PYGL: variants seen among roughly 807,000 people sequenced by gnomAD.
PYGL encodes glycogen phosphorylase L.
A neutral mutation model predicts 100.1 loss-of-function variants in PYGL; 90 were observed. That is an observed-to-expected ratio of 0.90 (90% confidence interval 0.76 to 1.07). PYGL has a LOEUF of 1.07. PYGL is among the 50% of genes least tolerant of loss of function. The pLI is 0.00. For missense variants in PYGL, 1,016 were observed against 1,057.6 expected (o/e 0.96, Z 0.55); for synonymous variants, 373 against 393.0 (o/e 0.95, Z 0.60).
chr14:50,910,001 C>G lies in PYGL; in HGVS notation c.2071G>C (p.Gly691Arg), dbSNP rs539898848. Residue 691 changes from glycine (G) to arginine (R), a missense_variant, in exon 17 of 20, where the codon GGG becomes CGG. Transcript: ENST00000216392. ...TCCACATTGGCCCCATCCATGGTCC[C>G]GATAGTTAGGGCCCCATTTAGCATG... ...KFMLNGALTIGTMDGANVEMA... is the reference protein window; with the variant it reads ...KFMLNGALTIRTMDGANVEMA... 2.0e-5 allele frequency: 33 copies of G among 1,614,186 alleles called. No homozygotes were observed. In the South Asian group the frequency reaches 2.9e-4, roughly 14 times the overall value.
chr14:50,931,628 A>C, intron 4 of PYGL, 45 bp downstream of exon 4: 2 of 1,501,204 alleles, frequency 1.3e-6, no homozygotes, highest in East Asian at 4.5e-5. Flanking sequence ...GCACCATGAA[A>C]GAGAAGTACC....
chr14:50,925,503 T>A (rs1463199741), intron 4 of PYGL, among the ~76,000 whole-genome samples: 1 of 152,212 alleles, frequency 6.6e-6, no homozygotes, highest in Non-Finnish European at 1.5e-5. Flanking sequence ...TTTTAGAAGA[T>A]ACTGCTTAAG....
intron 3 of PYGL, among the ~76,000 whole-genome samples, chr14:50,933,105 C>T (rs1377388784): frequency 2.6e-5 from 4 of 152,192 alleles, no homozygotes; most frequent in Non-Finnish European, 5.9e-5. Flanking sequence ...TCAGCCTCTT[C>T]ACTCTGACTT....
chr14:50,935,712 G>C (rs1159041651), intron 2 of PYGL, among the ~76,000 whole-genome samples: 1 of 152,144 alleles, frequency 6.6e-6, no homozygotes, highest in Non-Finnish European at 1.5e-5. Context: ...ATGACCGAAA[G>C]GTCTCAGGGT....
rs1162506831 is a variant in PYGL, at chr14:50,920,485, C to G, written c.855+56G>C. 6.8e-6 allele frequency: 10 copies of G among 1,469,438 alleles called. No homozygotes were observed. The Admixed American group carries it at 1.7e-4, about 25-fold the overall frequency. 91.0% of individuals were successfully genotyped at this position (1,469,438 alleles called of 1,614,324 possible). Reference sequence around the variant, plus strand: ...TGTGTTTTATAGGTTACTGAACAGGCTCTTGTGAAATAAGCTGCCTCTGTT... The same window carrying G: ...TGTGTTTTATAGGTTACTGAACAGGGTCTTGTGAAATAAGCTGCCTCTGTT... On this transcript the variant is annotated intron_variant, in intron 7 of 19. Transcript: ENST00000216392.
At chr14:50,907,728 CTT>C (rs2050348143) in intron 19 of PYGL, among the ~76,000 whole-genome samples, 1 of 152,028 alleles carries the variant, frequency 6.6e-6, no homozygotes, top group African/African-American at 2.4e-5. Context: ...TTATTTGTGA[CTT>C]TTAAAAAACT....
chr14:50,935,187 T>C lies in PYGL; in HGVS notation c.346-2A>G. 6.2e-7 allele frequency: 1 copy of C among 1,608,242 alleles called. No individual in the cohort carries two copies. The highest frequency in any genetic ancestry group is 1.7e-5 in the Admixed American group (1 of 60,004). On this transcript the variant is annotated splice_acceptor_variant, in intron 2 of 19. Coordinates refer to ENST00000216392, the MANE Select transcript of PYGL (RefSeq NM_002863.5). LOFTEE classifies it high-confidence loss of function. ...TAACTCTTCTATATCCAATCCAAGC[T>C]GGTAATGAAAGGAAAACAATATTGG...
intron 4 of PYGL, among the ~76,000 whole-genome samples, chr14:50,930,309 A>C (rs2050591096): frequency 6.6e-6 from 1 of 152,198 alleles, no homozygotes; most frequent in Admixed American, 6.5e-5. Flanking sequence ...CCATTTTGCC[A>C]TTGAGAAAAC....
At chr14:50,930,104 A>G (rs1231449640) in intron 4 of PYGL, among the ~76,000 whole-genome samples, 2 of 152,164 alleles carry the variant, frequency 1.3e-5, no homozygotes, top group Non-Finnish European at 2.9e-5. Context: ...ATGATTTCCT[A>G]TTTTGTTAAA....
chr14:50,916,600 A>G, intron 9 of PYGL, 42 bp downstream of exon 9: 1 of 1,538,564 alleles, frequency 6.5e-7, no homozygotes, highest in Non-Finnish European at 9.0e-7. Context: ...AACTGCAGCC[A>G]TTCTGGTTAA....
At chr14:50,906,795 C>T (rs1239883562) in intron 19 of PYGL, among the ~76,000 whole-genome samples, 2 of 152,196 alleles carry the variant, frequency 1.3e-5, no homozygotes, top group African/African-American at 4.8e-5. Flanking sequence ...TAGCACTGCC[C>T]TGCTTGTTTG....
At chr14:50,938,104 C>T (rs2050671989) in intron 1 of PYGL, among the ~76,000 whole-genome samples, 1 of 152,240 alleles carries the variant, frequency 6.6e-6, no homozygotes, top group African/African-American at 2.4e-5. Context: ...AGGAGGTCTG[C>T]ACAAGATACA....
At position 50,944,329 on chromosome 14, in the gene PYGL, C is replaced by T. The variant is rs540984067; in HGVS notation, c.75G>A (p.Val25=). The change falls in exon 1 of 20, where the codon GTG becomes GTA. Residue 25 remains valine (V), a synonymous_variant. Transcript: ENST00000216392. ...GGTTGAAACTCTTCTTCAGCTCTGC[C>T]ACGTTCTCCACGCCCACGATGCCGC... ...SIRGIVGVEN[V]AELKKSFNRH... 6.2e-7 allele frequency: 1 copy of T among 1,613,976 alleles called. No homozygotes were observed. The highest frequency in any genetic ancestry group is 1.1e-5 in the South Asian group (1 of 91,090).
intron 4 of PYGL, among the ~76,000 whole-genome samples, chr14:50,927,321 T>C (rs1027382018): frequency 1.3e-5 from 2 of 152,182 alleles, no homozygotes; most frequent in African/African-American, 4.8e-5. Flanking sequence ...GCCTCCCAGA[T>C]TCAAGTGATT....
intron 1 of PYGL, among the ~76,000 whole-genome samples, chr14:50,940,898 G>C (rs1350679266): frequency 6.6e-6 from 1 of 152,208 alleles, no homozygotes; most frequent in Non-Finnish European, 1.5e-5. Flanking sequence ...ATAAACCTGA[G>C]ACTTGCAGGA....
At chr14:50,933,638 C>T (rs2050623343) in intron 3 of PYGL, among the ~76,000 whole-genome samples, 1 of 152,142 alleles carries the variant, frequency 6.6e-6, no homozygotes, top group African/African-American at 2.4e-5. Flanking sequence ...CCAGCATCCC[C>T]TTTGATCGCT....
intron 4 of PYGL, among the ~76,000 whole-genome samples, chr14:50,930,679 G>T (rs1014390301): frequency 2.0e-5 from 3 of 152,146 alleles, no homozygotes; most frequent in Admixed American, 6.6e-5. Flanking sequence ...TTCTCATAGG[G>T]TTATCTTCCT....
intron 12 of PYGL, chr14:50,913,457 C>T (rs1348533488): frequency 3.8e-5 from 6 of 156,100 alleles, no homozygotes; most frequent in Non-Finnish European, 7.0e-5. Context: ...CTGCAAGCTC[C>T]GCCTCCTGGG....
Position 50,908,303 on chromosome 14 carries a change from T to C in PYGL, c.2347A>G (p.Lys783Glu). Residue 783 changes from lysine (K) to glutamate (E), a missense_variant, in exon 19 of 20, where the codon AAG (lysine) becomes GAG (glutamate). By Grantham distance (56) the Lys-to-Glu change is moderately conservative. Coordinates refer to ENST00000216392, the MANE Select transcript of PYGL (RefSeq NM_002863.5). Reference sequence around the variant, plus strand: ...AGCTGACTCACTTTATCTTGACACTTGACATAGGCTTCGTAGTCTGCAAAG... The same window carrying C: ...AGCTGACTCACTTTATCTTGACACTCGACATAGGCTTCGTAGTCTGCAAAG... ...KVFADYEAYV[K>E]CQDKVSQLYM... The C allele has an allele frequency of 6.2e-7, 1 of 1,605,368 alleles. No homozygotes were observed. The highest frequency in any genetic ancestry group is 8.5e-7 in the Non-Finnish European group (1 of 1,172,038).
Sources: allele counts gnomAD v4.1 joint callset (sites outside exome capture counted in the v4.1 genomes callset), GRCh38; gene constraint gnomAD v4.1.1; transcripts MANE v1.5; gene names NCBI Gene and HGNC (gene_info 2026-07-23, HGNC 2026-07-21).